Variants in CFAP299 observed in about 807,000 individuals in gnomAD.
CFAP299 encodes the protein cilia- and flagella-associated protein 299.
In CFAP299, 21 loss-of-function variants were observed where a neutral mutation model predicts 27.0. That is an observed-to-expected ratio of 0.78 (90% CI 0.55 to 1.12). CFAP299 has a LOEUF of 1.12. Ranked by LOEUF, CFAP299 falls within the 50% of genes most tolerant of loss-of-function variation. The probability of loss-of-function intolerance (pLI) is 0.00; values close to 1 mark genes in which losing one functional copy is unlikely to be tolerated. For missense variants in CFAP299, 310 were observed against 276.6 expected, an observed-to-expected ratio of 1.12 and a Z score of -0.86; for synonymous variants, 104 against 98.1, an observed-to-expected ratio of 1.06 and a Z score of -0.36.
chr4:80,757,098 C>T (rs949137133), intron 3 of CFAP299, among the ~76,000 whole-genome samples: 1 of 152,070 alleles, frequency 6.6e-6, no homozygotes, highest in South Asian at 2.1e-4. Context: ...AATAAGATCA[C>T]TCAAGCTTCA....
In CFAP299 at chr4:80,758,072, G is replaced by A. The variant is rs142203280; in HGVS notation, c.334-111921G>A. 1.4e-3 allele frequency among the ~76,000 whole-genome samples: 210 copies of A among 152,290 alleles called. 2 individuals carry two copies. The highest frequency in any genetic ancestry group is 4.7e-3 in the African/African-American group (196 of 41,570). On this transcript the variant is annotated intron_variant, in intron 3 of 5. Transcript: ENST00000358105. The stretch of plus-strand genomic sequence containing the variant: ...GGTTCAGTGCCCCTTTAGTGTTGCC[G>A]TCTATGGATGGCTTAAGTGTTAACA...
intron 4 of CFAP299, among the ~76,000 whole-genome samples, chr4:80,937,809 T>C (rs976220861): frequency 6.6e-6 from 1 of 152,172 alleles, no homozygotes; most frequent in African/African-American, 2.4e-5. Context: ...TTCTCTTTTT[T>C]ATCTTTTGCT....
At chr4:80,784,037 C>T (rs1385766579) in intron 3 of CFAP299, among the ~76,000 whole-genome samples, 1 of 152,052 alleles carries the variant, frequency 6.6e-6, no homozygotes, top group Non-Finnish European at 1.5e-5. Context: ...TAAAGTCCTT[C>T]AGGTTCGTCC....
At position 80,769,695 on chromosome 4, in the gene CFAP299, A is replaced by G. The variant is rs185906032; in HGVS notation, c.334-100298A>G. ...AGGCATGAGCCACCATGTCCAGTCA[A>G]TTCCCATGTATTATCTCACAGTTCT... On this transcript the variant is annotated intron_variant, in intron 3 of 5. Transcript: ENST00000358105. Among the ~76,000 whole-genome samples the G allele has an allele frequency of 1.3e-4, 20 of 152,284 alleles. No homozygotes were observed. The East Asian group carries it at 3.9e-3, about 30-fold the overall frequency.
At chr4:80,415,647 AATT>A (rs1333644545) in intron 2 of CFAP299, among the ~76,000 whole-genome samples, 3 of 152,284 alleles carry the variant, frequency 2.0e-5, no homozygotes, top group Admixed American at 6.5e-5. Flanking sequence ...CATTTGTTCC[AATT>A]ATTATAATTT....
At chr4:80,361,466 C>T (rs1261953863) in intron 1 of CFAP299, among the ~76,000 whole-genome samples, 1 of 152,060 alleles carries the variant, frequency 6.6e-6, no homozygotes, top group South Asian at 2.1e-4. Context: ...AATTAATCCC[C>T]AAATCTGCAT....
intron 2 of CFAP299, among the ~76,000 whole-genome samples, chr4:80,579,075 A>C (rs573725210): frequency 6.6e-6 from 1 of 152,144 alleles, no homozygotes; most frequent in South Asian, 2.1e-4. Flanking sequence ...AGCAAATATA[A>C]ATTCTTTTCA....
intron 3 of CFAP299, among the ~76,000 whole-genome samples, chr4:80,658,643 T>C (rs117120957): frequency 2.6e-5 from 4 of 152,138 alleles, no homozygotes; most frequent in African/African-American, 7.2e-5. Context: ...GAACTTGTCC[T>C]TTCTCATCAC....
chr4:80,386,806 G>C, intron 2 of CFAP299: 6 of 1,045,646 alleles, frequency 5.7e-6, no homozygotes, highest in Non-Finnish European at 9.0e-6. Context: ...TCGATAAAGG[G>C]CATTTATATT....
At chr4:80,430,860 C>A (rs1727778688) in intron 2 of CFAP299, among the ~76,000 whole-genome samples, 2 of 152,346 alleles carry the variant, frequency 1.3e-5, no homozygotes, top group Admixed American at 6.5e-5. Context: ...TTCTCCGCTT[C>A]AGCCATTCTA....
At chr4:80,906,562 C>T (rs912732868) in intron 4 of CFAP299, among the ~76,000 whole-genome samples, 15 of 152,222 alleles carry the variant, frequency 9.9e-5, no homozygotes, top group African/African-American at 3.6e-4. Flanking sequence ...AGTCTTCTGC[C>T]TGGACATCCA....
intron 4 of CFAP299, among the ~76,000 whole-genome samples, chr4:80,941,979 A>G (rs904658012): frequency 1.3e-5 from 2 of 152,188 alleles, no homozygotes; most frequent in African/African-American, 4.8e-5. Context: ...TTACAATTCA[A>G]CATGAGATTT....
Position 80,415,566 on chromosome 4 carries a change from A to C in CFAP299, c.242+52682A>C, listed in dbSNP as rs180988012. 3.6e-3 allele frequency among the ~76,000 whole-genome samples: 554 copies of C among 152,312 alleles called. 3 individuals carry two copies. Among genetic ancestry groups the C allele is most frequent in the African/African-American group, 0.013 (521 of 41,580 alleles). Reference sequence around the variant, plus strand: ...TCATATAAAAATAGTTAATATATACATGGGAAATACTGGTTTACTTTGAAA... The same window carrying C: ...TCATATAAAAATAGTTAATATATACCTGGGAAATACTGGTTTACTTTGAAA... On this transcript the variant is annotated intron_variant, in intron 2 of 5. Coordinates refer to ENST00000358105, the MANE Select transcript of CFAP299 (RefSeq NM_152770.3).
chr4:80,560,942 G>T (rs1364989636), intron 2 of CFAP299, among the ~76,000 whole-genome samples: 1 of 152,158 alleles, frequency 6.6e-6, no homozygotes, highest in Non-Finnish European at 1.5e-5. Context: ...CTGGCTGATT[G>T]TAGAGCTCTG....
chr4:80,439,209 AT>A (rs1382470977), intron 2 of CFAP299, among the ~76,000 whole-genome samples: 1 of 152,144 alleles, frequency 6.6e-6, no homozygotes, highest in African/African-American at 2.4e-5. Context: ...GATTGAGGGA[AT>A]CTTTAGTTTG....
chr4:80,393,970 C>G (rs573864820), intron 2 of CFAP299, among the ~76,000 whole-genome samples: 1 of 152,100 alleles, frequency 6.6e-6, no homozygotes, highest in Non-Finnish European at 1.5e-5. Context: ...GGCGGCTTCC[C>G]CCATTCTGTT....
intron 5 of CFAP299, among the ~76,000 whole-genome samples, chr4:80,950,866 T>C (rs1417967705): frequency 6.6e-6 from 1 of 152,170 alleles, no homozygotes; most frequent in Non-Finnish European, 1.5e-5. Flanking sequence ...AGGAGAATCA[T>C]GGCAGAAAAG....
intron 3 of CFAP299, among the ~76,000 whole-genome samples, chr4:80,642,727 G>A (rs1423419634): frequency 2.0e-5 from 3 of 152,142 alleles, no homozygotes; most frequent in African/African-American, 7.2e-5. Flanking sequence ...TCACACCACT[G>A]CACTCCAGCC....
chr4:80,661,497 T>C (rs1740844854), intron 3 of CFAP299, among the ~76,000 whole-genome samples: 1 of 152,158 alleles, frequency 6.6e-6, no homozygotes, highest in Non-Finnish European at 1.5e-5. Context: ...TCTCTGAACA[T>C]AAATTGTGAA....
Sources: gnomAD v4.1 joint callset for allele counts (sites outside exome capture counted in the v4.1 genomes callset) on GRCh38, gnomAD v4.1.1 for gene constraint, MANE v1.5 for transcripts, NCBI Gene and HGNC (gene_info 2026-07-23, HGNC 2026-07-21) for gene names.